The following TRIM2 variants were observed in gnomAD, a reference collection of about 807,000 sequenced individuals.
TRIM2 encodes tripartite motif containing 2.
In TRIM2, 20 loss-of-function variants were observed where a neutral mutation model predicts 75.2. That is an observed-to-expected ratio of 0.27 (90% CI 0.19 to 0.39). The LOEUF (loss-of-function observed/expected upper bound fraction) is 0.39. Ranked by LOEUF, TRIM2 falls within the 10% of genes least tolerant of loss-of-function variation. TRIM2 has a pLI of 1.00. For synonymous variants in TRIM2, 373 were observed against 388.3 expected (o/e 0.96, Z 0.46); for missense variants, 660 against 990.8 (o/e 0.67, Z 4.48).
chr4:153,213,203 T>C (rs1560823000), intron 1 of TRIM2, among the ~76,000 whole-genome samples: 1 of 152,194 alleles, frequency 6.6e-6, no homozygotes, highest in Non-Finnish European at 1.5e-5. Context: ...GAGAAAATTG[T>C]CCCAAGCCGC....
chr4:153,173,902 G>T (rs2149618875), intron 1 of TRIM2, among the ~76,000 whole-genome samples: 1 of 152,190 alleles, frequency 6.6e-6, no homozygotes, highest in African/African-American at 2.4e-5. Flanking sequence ...GGGAGGCAGA[G>T]GTTGCAGAGC....
chr4:153,293,692 A>C (rs1214689805), intron 4 of TRIM2, among the ~76,000 whole-genome samples: 1 of 152,244 alleles, frequency 6.6e-6, no homozygotes, highest in East Asian at 1.9e-4. Flanking sequence ...AGACAAAATA[A>C]ATCTCTCCAC....
chr4:153,320,927 C>T (rs967982783), intron 8 of TRIM2, among the ~76,000 whole-genome samples: 1 of 152,176 alleles, frequency 6.6e-6, no homozygotes, highest in Non-Finnish European at 1.5e-5. Context: ...CCACCGCGCC[C>T]GGCGAAGAGT....
intron 1 of TRIM2, among the ~76,000 whole-genome samples, chr4:153,258,562 TA>T (rs1752649336): frequency 6.6e-6 from 1 of 152,312 alleles, no homozygotes; most frequent in South Asian, 2.1e-4. Context: ...CAGTTTGTTT[TA>T]AATTAAAAAT....
chr4:153,181,562 C>G (rs1313906248), intron 1 of TRIM2, among the ~76,000 whole-genome samples: 1 of 152,200 alleles, frequency 6.6e-6, no homozygotes, highest in African/African-American at 2.4e-5. Flanking sequence ...GCTGCCACCT[C>G]CCAGGCTGAA....
intron 1 of TRIM2, among the ~76,000 whole-genome samples, chr4:153,240,845 G>A (rs574365798): frequency 1.6e-4 from 24 of 152,314 alleles, no homozygotes; most frequent in South Asian, 1.0e-3. Context: ...TTGGGAGGCC[G>A]AAGCAGGCGG....
intron 1 of TRIM2, among the ~76,000 whole-genome samples, chr4:153,254,592 T>C (rs1751612774): frequency 6.6e-6 from 1 of 152,160 alleles, no homozygotes; most frequent in African/African-American, 2.4e-5. Flanking sequence ...TCTACCTACC[T>C]GTTTTCAGGA....
intron 1 of TRIM2, among the ~76,000 whole-genome samples, chr4:153,169,991 C>A (rs1730684416): frequency 6.6e-6 from 1 of 152,194 alleles, no homozygotes; most frequent in Non-Finnish European, 1.5e-5. Context: ...ACTTGTGTGG[C>A]CATCCATGGA....
intron 1 of TRIM2, among the ~76,000 whole-genome samples, chr4:153,192,139 C>G (rs1481777619): frequency 2.0e-5 from 3 of 152,226 alleles, no homozygotes; most frequent in African/African-American, 4.8e-5. Flanking sequence ...CCACACCCTT[C>G]CCCAGGCATC....
chr4:153,265,161 TAA>T (rs938542199), intron 1 of TRIM2, among the ~76,000 whole-genome samples: 6 of 145,092 alleles, frequency 4.1e-5, no homozygotes, highest in Admixed American at 1.4e-4. Context: ...ATTCTAAGGT[TAA>T]AAAAAAAAAG....
chr4:153,252,673 C>A (rs1751152351), intron 1 of TRIM2, among the ~76,000 whole-genome samples: 1 of 152,132 alleles, frequency 6.6e-6, no homozygotes, highest in Non-Finnish European at 1.5e-5. Context: ...CTGCACCCAG[C>A]TAATTTTTGT....
intron 3 of TRIM2, among the ~76,000 whole-genome samples, chr4:153,279,644 A>G (rs1758795816): frequency 6.6e-6 from 1 of 152,104 alleles, no homozygotes; most frequent in African/African-American, 2.4e-5. Flanking sequence ...CATCTCTACA[A>G]AAAAATCAAA....
At chr4:153,176,275 G>A (rs191295649) in intron 1 of TRIM2, among the ~76,000 whole-genome samples, 2 of 152,106 alleles carry the variant, frequency 1.3e-5, no homozygotes, top group Admixed American at 6.6e-5. Context: ...GCAACACAGT[G>A]CGACCTCATG....
At chr4:153,296,358 A>T (rs1448637328) in intron 6 of TRIM2, among the ~76,000 whole-genome samples, 2 of 152,202 alleles carry the variant, frequency 1.3e-5, no homozygotes, top group Non-Finnish European at 2.9e-5. Flanking sequence ...GAAAAATCAT[A>T]GCACCCGTAA....
chr4:153,157,054 A>T (rs997788409), intron 1 of TRIM2: 1 of 152,384 alleles, frequency 6.6e-6, no homozygotes, highest in Admixed American at 6.5e-5. Flanking sequence ...CCAGGGTGGC[A>T]GAGAGACCTG....
At chr4:153,308,544 G>A in intron 6 of TRIM2, 6 of 718,190 alleles carry the variant, frequency 8.4e-6, no homozygotes, top group Middle Eastern at 2.5e-4. Flanking sequence ...TCTGGTAGGT[G>A]AAGGCAATAT....
chr4:153,183,016 A>C (rs1732228695), intron 1 of TRIM2, among the ~76,000 whole-genome samples: 1 of 152,210 alleles, frequency 6.6e-6, no homozygotes, highest in South Asian at 2.1e-4. Context: ...AGCACTTGGA[A>C]CATACTAAAG....
Position 153,316,873 on chromosome 4 carries a change from C to CTTTTTTTTTTTTTTTTTTTT in TRIM2, c.1782+880_1782+899dup, listed in dbSNP as rs11397245. The stretch of plus-strand genomic sequence containing the variant: ...TTTGTAAGGGCCATTTGCATTATGC[C>CTTTTTTTTTTTTTTTTTTTT]TTTTTTTTTTTTTTTTTTTTTTTTT... On this transcript the variant is annotated intron_variant, in intron 8 of 11. Coordinates refer to ENST00000338700, the MANE Select transcript of TRIM2 (RefSeq NM_015271.5). 3.2e-5 allele frequency among the ~76,000 whole-genome samples: 2 copies of CTTTTTTTTTTTTTTTTTTTT among 61,576 alleles called. 1 individual carries two copies. Among genetic ancestry groups the CTTTTTTTTTTTTTTTTTTTT allele is most frequent in the African/African-American group, 1.6e-4 (2 of 12,818 alleles). 40.4% of individuals were successfully genotyped at this position (61,576 alleles called of 152,430 possible). A position where few individuals can be genotyped will look rare whatever the true frequency, so the allele number is the denominator to read the frequency against.
At chr4:153,293,415 A>G (rs936588008) in intron 4 of TRIM2, among the ~76,000 whole-genome samples, 2 of 152,232 alleles carry the variant, frequency 1.3e-5, no homozygotes, top group African/African-American at 4.8e-5. Context: ...AACTGCTCTC[A>G]GGAGAGTTCT....
Sources: allele counts gnomAD v4.1 joint callset (sites outside exome capture counted in the v4.1 genomes callset), GRCh38; gene constraint gnomAD v4.1.1; transcripts MANE v1.5; gene names NCBI Gene and HGNC (gene_info 2026-07-23, HGNC 2026-07-21).